The following STX16 variants were observed in gnomAD, a reference collection of about 807,000 sequenced individuals.
STX16 encodes syntaxin-16.
A neutral mutation model predicts 42.7 loss-of-function variants in STX16; 28 were observed. That is an observed-to-expected ratio of 0.66 (90% CI 0.49 to 0.90). The LOEUF is 0.90. Among genes scored for constraint, STX16 ranks in the 40% least tolerant of loss-of-function variants. The pLI, the probability that STX16 is intolerant of heterozygous loss-of-function variation, is 0.00. For synonymous variants in STX16, 156 were observed against 155.2 expected, an observed-to-expected ratio of 1.00 and a Z score of -0.04; for missense variants, 361 against 420.9, an observed-to-expected ratio of 0.86 and a Z score of 1.24.
At chr20:58,654,340 G>T (rs985179950) in intron 1 of STX16, among the ~76,000 whole-genome samples, 3 of 152,026 alleles carry the variant, frequency 2.0e-5, no homozygotes, top group African/African-American at 7.2e-5. Flanking sequence ...ATAAAACACA[G>T]ATTTATATAT....
chr20:58,675,140 G>T (rs118002035), intron 8 of STX16, among the ~76,000 whole-genome samples: 13 of 152,170 alleles, frequency 8.5e-5, no homozygotes, highest in Non-Finnish European at 1.5e-4. Flanking sequence ...TGAGCGTCGG[G>T]AGCTGCTCCC....
intron 8 of STX16, among the ~76,000 whole-genome samples, chr20:58,674,381 T>C (rs2084054010): frequency 6.6e-6 from 1 of 152,232 alleles, no homozygotes; most frequent in South Asian, 2.1e-4. Context: ...CTCTCATATA[T>C]AATTGGTTAC....
In STX16 at chr20:58,672,049, G is replaced by A. The variant is rs1021273727; in HGVS notation, c.792+752G>A. Among the ~76,000 whole-genome samples the A allele has an allele frequency of 8.5e-5, 13 of 152,154 alleles. No individual in the cohort carries two copies. The South Asian group carries it at 2.7e-3, about 32-fold the overall frequency. ...TATGCACAAAACTAGTAAAAATATT[G>A]TGGCCGGGCACGGTGGCTCACATCT... On this transcript the variant is annotated intron_variant, in intron 7 of 8. Coordinates refer to ENST00000371141, the MANE Select transcript of STX16 (RefSeq NM_001001433.3).
intron 2 of STX16, among the ~76,000 whole-genome samples, chr20:58,666,665 A>G (rs1568821977): frequency 6.6e-6 from 1 of 152,066 alleles, no homozygotes; most frequent in Non-Finnish European, 1.5e-5. Flanking sequence ...CTGACCTCAG[A>G]TGATCTGCCC....
chr20:58,671,437 G>GGTGTGTGT (rs540390363), intron 7 of STX16, 140 bp downstream of exon 7: 58 of 224,590 alleles, frequency 2.6e-4, no homozygotes, highest in Non-Finnish European at 4.1e-4. Flanking sequence ...TGTGTGTGTG[G>GGTGTGTGT]GTGTGTGTGT....
intron 1 of STX16, 43 bp downstream of exon 1, chr20:58,652,181 C>T (rs773575706): frequency 2.5e-6 from 4 of 1,610,282 alleles, no homozygotes; most frequent in East Asian, 4.5e-5. Context: ...ACCGTGTGCA[C>T]TGCGGCTCTG....
At chr20:58,668,373 T>A (rs779093662) in intron 4 of STX16, among the ~76,000 whole-genome samples, 2 of 152,236 alleles carry the variant, frequency 1.3e-5, no homozygotes, top group East Asian at 1.9e-4. Flanking sequence ...AATATGAAAT[T>A]TCAAACATTA....
chr20:58,676,160 G>C, intron 8 of STX16, 27 bp from the exon 9 acceptor site: 1 of 1,592,650 alleles, frequency 6.3e-7, no homozygotes, highest in Non-Finnish European at 8.6e-7. Flanking sequence ...GGAAAATGAC[G>C]GCCTTTTTTC....
rs1601067853 is a variant in STX16 at position 58,678,228 on chromosome 20, C to A, written c.*1937C>A. On this transcript the variant is annotated 3_prime_UTR_variant, in exon 9 of 9. Transcript: ENST00000371141. ...TTTTTAAAGTGCTGAGCCTTACAAACCCCTGAAGGAAAGTGACCCTTTAAG... is the reference window on the plus strand; with the variant it reads ...TTTTTAAAGTGCTGAGCCTTACAAAACCCTGAAGGAAAGTGACCCTTTAAG... 1 of 152,172 alleles carries A rather than the reference C, an allele frequency of 6.6e-6. No homozygotes were observed. Among genetic ancestry groups the A allele is most frequent in the African/African-American group, 2.4e-5 (1 of 41,442 alleles). 9.4% of individuals were successfully genotyped at this position (152,172 alleles called of 1,614,324 possible). A position where few individuals can be genotyped will look rare whatever the true frequency, so the allele number is the denominator to read the frequency against.
intron 1 of STX16, among the ~76,000 whole-genome samples, chr20:58,655,915 A>G (rs2083575421): frequency 6.6e-6 from 1 of 152,240 alleles, no homozygotes; most frequent in African/African-American, 2.4e-5. Flanking sequence ...GTAAAAAAAC[A>G]GACAGGTTTG....
intron 3 of STX16, 63 bp from the exon 4 acceptor site, chr20:58,667,924 G>T: frequency 6.2e-7 from 1 of 1,606,440 alleles, no homozygotes. Flanking sequence ...GCTGAGTGTA[G>T]CTGATGGAGG....
Position 58,668,057 on chromosome 20 carries a change from A to G in STX16, c.323A>G (p.Asn108Ser). ...GCCAGCCTTCATGACAAGCATTTAA[A>G]CAGACCCACCCTGGATGACAGCAGC... ...ELASLHDKHLNRPTLDDSSEE... is the reference protein window; with the variant it reads ...ELASLHDKHLSRPTLDDSSEE... Residue 108 changes from asparagine to serine, a missense_variant, in exon 4 of 9, where the codon AAC becomes AGC. Transcript: ENST00000371141. 1 of 1,614,254 alleles carries G rather than the reference A, an allele frequency of 6.2e-7. No individual in the cohort carries two copies. Among genetic ancestry groups the G allele is most frequent in the Non-Finnish European group, 8.5e-7 (1 of 1,180,050 alleles).
intron 1 of STX16, among the ~76,000 whole-genome samples, chr20:58,652,888 C>T (rs2083503137): frequency 6.6e-6 from 1 of 151,654 alleles, no homozygotes. Flanking sequence ...TTAACCACAA[C>T]CTTTAGTTAG....
At chr20:58,654,799 T>C (rs972502629) in intron 1 of STX16, among the ~76,000 whole-genome samples, 2 of 152,212 alleles carry the variant, frequency 1.3e-5, no homozygotes, top group Admixed American at 1.3e-4. Flanking sequence ...CTGAAATGTT[T>C]AGTGGTGAAA....
chr20:58,652,169 G>T (rs769241617), intron 1 of STX16, 31 bp downstream of exon 1: 70 of 1,611,808 alleles, frequency 4.3e-5, no homozygotes, highest in Non-Finnish European at 5.3e-5. Context: ...TCCGACACAC[G>T]GACCGTGTGC....
intron 4 of STX16, 109 bp downstream of exon 4, chr20:58,668,236 A>C (rs2083884380): frequency 1.4e-6 from 2 of 1,422,632 alleles, no homozygotes; most frequent in Non-Finnish European, 1.9e-6. Flanking sequence ...CCCAACCTGA[A>C]GTTCTCAGAG....
Position 58,676,344 on chromosome 20 carries a change from G to A in STX16, c.*53G>A. 5.3e-6 allele frequency: 8 copies of A among 1,520,358 alleles called. No homozygotes were observed. Among genetic ancestry groups the A allele is most frequent in the Non-Finnish European group, 7.3e-6 (8 of 1,096,564 alleles). 94.2% of individuals were successfully genotyped at this position (1,520,358 alleles called of 1,614,324 possible). A position where few individuals can be genotyped will look rare whatever the true frequency, so the allele number is the denominator to read the frequency against. ...GCGTGTGGATCTCCCGGGTGTGAGG[G>A]GCTTGGCCTGCGCCCCGCCAGCTGC... On this transcript the variant is annotated 3_prime_UTR_variant, in exon 9 of 9. Coordinates refer to ENST00000371141, the MANE Select transcript of STX16 (RefSeq NM_001001433.3).
At chr20:58,674,612 G>C (rs971890024) in intron 8 of STX16, among the ~76,000 whole-genome samples, 1 of 152,156 alleles carries the variant, frequency 6.6e-6, no homozygotes, top group Non-Finnish European at 1.5e-5. Flanking sequence ...CCTTGCACTA[G>C]TCTAACCAGA....
In STX16 at chr20:58,677,692, T is replaced by C. The variant is rs904237490; in HGVS notation, c.*1401T>C. ...TTAAGAAGAATATGACCTCATTAAA[T>C]GTGCTGTTTTATTTGGACCAGTCAC... On this transcript the variant is annotated 3_prime_UTR_variant, in exon 9 of 9. Coordinates refer to ENST00000371141, the MANE Select transcript of STX16 (RefSeq NM_001001433.3). 5 of 152,262 alleles carry C rather than the reference T, an allele frequency of 3.3e-5. No homozygotes were observed. Among genetic ancestry groups the C allele is most frequent in the Admixed American group, 3.3e-4 (5 of 15,286 alleles). 9.4% of individuals were successfully genotyped at this position (152,262 alleles called of 1,614,324 possible). A position where few individuals can be genotyped will look rare whatever the true frequency, so the allele number is the denominator to read the frequency against.
Sources: allele counts gnomAD v4.1 joint callset (sites outside exome capture counted in the v4.1 genomes callset), GRCh38; gene constraint gnomAD v4.1.1; transcripts MANE v1.5; gene names NCBI Gene and HGNC (gene_info 2026-07-23, HGNC 2026-07-21).